The following ACP7 variants were observed in gnomAD, a reference collection of about 807,000 sequenced individuals.
ACP7 encodes the protein acid phosphatase 7, tartrate resistant (putative).
A neutral mutation model predicts 60.6 loss-of-function variants in ACP7; 58 were observed. That is an observed-to-expected ratio of 0.96 (90% CI 0.77 to 1.19). The LOEUF (loss-of-function observed/expected upper bound fraction) is 1.19, where lower values mean the gene tolerates loss of function less well. ACP7 is among the 50% of genes most tolerant of loss of function. ACP7 has a pLI of 0.00. For missense variants in ACP7, 574 were observed against 596.2 expected, an observed-to-expected ratio of 0.96 and a Z score of 0.39; for synonymous variants, 237 against 232.6, an observed-to-expected ratio of 1.02 and a Z score of -0.17.
At chr19:39,102,268 A>G (rs986600345) in intron 11 of ACP7, among the ~76,000 whole-genome samples, 1 of 152,038 alleles carries the variant, frequency 6.6e-6, no homozygotes, top group Non-Finnish European at 1.5e-5. Flanking sequence ...ACAATGAGTT[A>G]TGATCGCACC....
intron 2 of ACP7, among the ~76,000 whole-genome samples, chr19:39,093,494 C>A (rs2073233951): frequency 6.6e-6 from 1 of 151,672 alleles, no homozygotes; most frequent in Non-Finnish European, 1.5e-5. Context: ...CCTCAAGTGA[C>A]CCACCTTCCT....
rs1039749981 is a variant in ACP7 at position 39,110,116 on chromosome 19, T to C, written c.1315T>C (p.Ter439GlnextTer33). 1 of 1,612,952 alleles carries C rather than the reference T, an allele frequency of 6.2e-7. No individual in the cohort carries two copies. The highest frequency in any genetic ancestry group is 8.5e-7 in the Non-Finnish European group (1 of 1,178,942). ...CCTGTTTGGCCGGAGGATGTACCTC[T>C]AGGGATGGCGGCAGCTCTCCTCCAG... ...RPLFGRRMYL[*>Q] Residue 439 changes from the stop codon to glutamine, a stop_lost, in exon 13 of 13, where the codon TAG becomes CAG. Coordinates refer to ENST00000331256, the MANE Select transcript of ACP7 (RefSeq NM_001004318.3).
At position 39,102,713 on chromosome 19, in the gene ACP7, ACTTTTCTTT is replaced by A. The variant is rs1383821660; in HGVS notation, c.1113+1181_1113+1189del. Among the ~76,000 whole-genome samples the A allele has an allele frequency of 2.5e-3, 121 of 47,908 alleles. 1 individual carries two copies. The highest frequency in any genetic ancestry group is 3.7e-3 in the Non-Finnish European group (79 of 21,154). 31.4% of individuals were successfully genotyped at this position (47,908 alleles called of 152,430 possible). A position where few individuals can be genotyped will look rare whatever the true frequency, so the allele number is the denominator to read the frequency against. On this transcript the variant is annotated intron_variant, in intron 11 of 12. Transcript: ENST00000331256. Reference sequence around the variant, plus strand: ...TTATTACTAAGCTGTTCCAATGAAGACTTTTCTTTCTTTCTTTCTTTCTTTCTTTCTTTC... The same window carrying A: ...TTATTACTAAGCTGTTCCAATGAAGACTTTCTTTCTTTCTTTCTTTCTTTC...
chr19:39,101,580 T>C (rs753945174), intron 11 of ACP7, 43 bp downstream of exon 11: 2 of 1,580,586 alleles, frequency 1.3e-6, no homozygotes, highest in Non-Finnish European at 1.7e-6. Flanking sequence ...TCTCTATTCC[T>C]ATCTATGGAG....
chr19:39,105,582 A>T (rs908770401), intron 11 of ACP7, among the ~76,000 whole-genome samples: 1 of 151,844 alleles, frequency 6.6e-6, no homozygotes. Context: ...GTACAGTGTT[A>T]CAATCTCGGC....
intron 2 of ACP7, among the ~76,000 whole-genome samples, chr19:39,097,187 T>C (rs142479137): frequency 6.6e-6 from 1 of 152,108 alleles, no homozygotes; most frequent in East Asian, 1.9e-4. Context: ...TCAGATCTCG[T>C]GAGACTTATT....
At chr19:39,102,795 T>TCTCTTTCTCTCTCTC (rs2073369718) in intron 11 of ACP7, among the ~76,000 whole-genome samples, 1 of 76,434 alleles carries the variant, frequency 1.3e-5, no homozygotes, top group Non-Finnish European at 3.0e-5. Context: ...CTCTCTCTCT[T>TCTCTTTCTCTCTCTC]TCTTTCTTTC....
intron 2 of ACP7, among the ~76,000 whole-genome samples, chr19:39,091,504 G>C (rs970171365): frequency 2.0e-5 from 3 of 152,124 alleles, no homozygotes; most frequent in Admixed American, 1.3e-4. Context: ...TAAGATCTGG[G>C]CACTAGGTGT....
chr19:39,085,963 A>G (rs2073136622), intron 2 of ACP7, among the ~76,000 whole-genome samples: 1 of 152,112 alleles, frequency 6.6e-6, no homozygotes, highest in African/African-American at 2.4e-5. Context: ...CAGTCTCCTC[A>G]TCTGGATAAT....
intron 11 of ACP7, 31 bp from the exon 12 acceptor site, chr19:39,106,916 C>T: frequency 6.2e-7 from 1 of 1,611,856 alleles, no homozygotes. Context: ...CCTCCACCTG[C>T]TCTGGGTCTG....
At position 39,099,165 on chromosome 19, in the gene ACP7, C is replaced by T. The variant is rs780774110; in HGVS notation, c.505+23C>T. ...TGGGTGAGGCATCCGCAGGGGCGCG[C>T]GCAGGGACGGTGGGGGGCGCGCGCA... is the stretch of plus-strand genomic sequence containing the variant. On this transcript the variant is annotated intron_variant, in intron 4 of 12. Transcript: ENST00000331256. 95 of 1,478,022 alleles carry T rather than the reference C, an allele frequency of 6.4e-5. 1 individual carries two copies. The highest frequency in any genetic ancestry group is 7.7e-5 in the Non-Finnish European group (87 of 1,124,010). 91.6% of individuals were successfully genotyped at this position (1,478,022 alleles called of 1,614,324 possible).
At chr19:39,106,584 C>T (rs1025155360) in intron 11 of ACP7, among the ~76,000 whole-genome samples, 1 of 152,178 alleles carries the variant, frequency 6.6e-6, no homozygotes, top group Admixed American at 6.5e-5. Flanking sequence ...AATGCAGTGG[C>T]ACAATCTCGG....
In ACP7 at chr19:39,103,449, T is replaced by TTTTTG. The variant is rs1408217570; in HGVS notation, c.1113+1916_1113+1917insGTTTT. Among the ~76,000 whole-genome samples the TTTTTG allele has an allele frequency of 8.9e-4, 130 of 146,868 alleles. 4 individuals carry two copies. Among genetic ancestry groups the TTTTTG allele is most frequent in the Admixed American group, 5.4e-3 (78 of 14,570 alleles). ...TTCCAGGATCATCATGTGTTTTTTT[T>TTTTTG]TTTTTTTTTTTTTTTTTGCTCAGCC... On this transcript the variant is annotated intron_variant, in intron 11 of 12. Transcript: ENST00000331256.
At chr19:39,102,548 C>G (rs1194299198) in intron 11 of ACP7, among the ~76,000 whole-genome samples, 3 of 152,070 alleles carry the variant, frequency 2.0e-5, no homozygotes, top group African/African-American at 4.8e-5. Context: ...TGGTCTCAAA[C>G]TCCTCACCTC....
At chr19:39,084,330 C>G (rs2073115618), upstream of ACP7, 1 of 152,270 alleles carries the variant, frequency 6.6e-6, no homozygotes, top group Admixed American at 6.5e-5. Context: ...CCTCGGCACC[C>G]GCGAACTCAT....
chr19:39,103,464 T>TTTTTTTTC, intron 11 of ACP7, among the ~76,000 whole-genome samples: 1 of 110,786 alleles, frequency 9.0e-6, no homozygotes, highest in African/African-American at 3.0e-5. Flanking sequence ...TTTTTTTTTT[T>TTTTTTTTC]TTGCTCAGCC....
chr19:39,109,566 A>G (rs989268604), intron 12 of ACP7, among the ~76,000 whole-genome samples: 10 of 151,210 alleles, frequency 6.6e-5, no homozygotes, highest in Admixed American at 2.0e-4. Flanking sequence ...TTAGCCAGGC[A>G]TGGTGGTGCA....
chr19:39,100,625 T>A lies in ACP7; in HGVS notation c.675T>A (p.Asn225Lys). The A allele has an allele frequency of 6.2e-7, 1 of 1,613,968 alleles. No individual in the cohort carries two copies. Residue 225 changes from asparagine to lysine, a missense_variant, in exon 6 of 13, where the codon AAT becomes AAA. Asn to Lys is a moderately conservative substitution (Grantham distance 94). Transcript: ENST00000331256. ...CTCGCTTCAGCATGCCGGGGGATAA[T>A]GAGGGCCTGTGGTACAGGTAATGTG... ...YKARFSMPGDNEGLWYSWDLG... is the reference protein window; with the variant it reads ...YKARFSMPGDKEGLWYSWDLG...
intron 11 of ACP7, among the ~76,000 whole-genome samples, chr19:39,106,137 C>T (rs963044587): frequency 3.9e-5 from 6 of 152,182 alleles, no homozygotes; most frequent in Admixed American, 1.3e-4. Flanking sequence ...CTCTCTGCTC[C>T]TCATGCCTGG....
Sources: gnomAD v4.1 joint callset for allele counts (sites outside exome capture counted in the v4.1 genomes callset) on GRCh38, gnomAD v4.1.1 for gene constraint, MANE v1.5 for transcripts, NCBI Gene and HGNC (gene_info 2026-07-23, HGNC 2026-07-21) for gene names.